ENPP6: variants seen among roughly 807,000 people sequenced by gnomAD.
ENPP6 encodes the protein ectonucleotide pyrophosphatase/phosphodiesterase 6.
ENPP6 carries 32 observed loss-of-function variants against 42.0 expected under a neutral mutation model. The observed-to-expected ratio is 0.76, with a 90% CI of 0.58 to 1.02. The LOEUF is 1.02. Among genes scored for constraint, ENPP6 ranks in the 50% least tolerant of loss-of-function variants. The pLI is 0.00. For missense variants in ENPP6, 552 were observed against 566.8 expected, an observed-to-expected ratio of 0.97 and a Z score of 0.27; for synonymous variants, 213 against 216.0, an observed-to-expected ratio of 0.99 and a Z score of 0.12.
intron 1 of ENPP6, among the ~76,000 whole-genome samples, chr4:184,165,554 GGA>G (rs1737334776): frequency 6.6e-6 from 1 of 152,182 alleles, no homozygotes; most frequent in East Asian, 1.9e-4. Context: ...GTAACCACAT[GGA>G]GACGCACAGA....
chr4:184,136,215 A>G (rs1198261251), intron 2 of ENPP6, among the ~76,000 whole-genome samples: 1 of 151,272 alleles, frequency 6.6e-6, no homozygotes, highest in Non-Finnish European at 1.5e-5. Context: ...TAAATTTTAT[A>G]TAAATATAAA....
intron 1 of ENPP6, among the ~76,000 whole-genome samples, chr4:184,154,219 G>A (rs762915775): frequency 2.0e-4 from 30 of 152,180 alleles, no homozygotes; most frequent in Non-Finnish European, 3.8e-4. Flanking sequence ...TAAAACCTAT[G>A]ACGTTTGGAA....
rs143548128 is a variant in ENPP6 at position 184,090,855 on chromosome 4, C to A, written c.*322G>T. The A allele has an allele frequency of 3.1e-3, 1,356 of 433,020 alleles. 25 individuals carry two copies. Among genetic ancestry groups the A allele is most frequent in the African/African-American group, 0.025 (1,233 of 49,064 alleles). 26.8% of individuals were successfully genotyped at this position (433,020 alleles called of 1,614,324 possible). A position where few individuals can be genotyped will look rare whatever the true frequency, so the allele number is the denominator to read the frequency against. ...CCAGAGCCACGTCTGTCTGCAATAA[C>A]CACTCCAAGTTTGGTTGCTGCAGGA... On this transcript the variant is annotated 3_prime_UTR_variant, in exon 8 of 8. Transcript: ENST00000296741.
At chr4:184,142,816 G>T (rs995392143) in intron 2 of ENPP6, among the ~76,000 whole-genome samples, 1 of 152,206 alleles carries the variant, frequency 6.6e-6, no homozygotes, top group Admixed American at 6.5e-5. Context: ...GCCAAAGGCC[G>T]CGCTTTCATC....
intron 7 of ENPP6, among the ~76,000 whole-genome samples, chr4:184,093,237 T>C (rs7696176): frequency 0.5 from 76,637 of 152,018 alleles, 19,879 homozygotes; most frequent in East Asian, 0.63. Flanking sequence ...AAGGACAAAT[T>C]GTGGTTTGAA....
chr4:184,115,334 A>C (rs965805905), intron 5 of ENPP6, among the ~76,000 whole-genome samples: 16 of 152,206 alleles, frequency 1.1e-4, no homozygotes, highest in African/African-American at 3.4e-4. Context: ...CACAAAGCCC[A>C]TATTGGGAAG....
At chr4:184,092,892 AAAC>A (rs1421448122) in intron 7 of ENPP6, among the ~76,000 whole-genome samples, 1 of 152,246 alleles carries the variant, frequency 6.6e-6, no homozygotes, top group Non-Finnish European at 1.5e-5. Context: ...AAAAGCAAAC[AAAC>A]AACAACACAC....
chr4:184,173,999 G>A lies in ENPP6; in HGVS notation c.242-20266C>T, dbSNP rs550696887. 2.6e-5 allele frequency among the ~76,000 whole-genome samples: 4 copies of A among 152,308 alleles called. 1 individual carries two copies. Among genetic ancestry groups the A allele is most frequent in the African/African-American group, 9.6e-5 (4 of 41,566 alleles). ...AATTCCCACAACTCTGAAGGAAAGA[G>A]ATGAGAGGGTCTCAGACTCTAGAGA... On this transcript the variant is annotated intron_variant, in intron 1 of 7. Transcript: ENST00000296741.
intron 3 of ENPP6, among the ~76,000 whole-genome samples, chr4:184,123,361 G>A (rs1035034861): frequency 1.3e-5 from 2 of 152,062 alleles, no homozygotes; most frequent in African/African-American, 4.8e-5. Flanking sequence ...TTTTCTTGGG[G>A]GGATGAAGGT....
intron 6 of ENPP6, among the ~76,000 whole-genome samples, chr4:184,108,363 T>A (rs1384394944): frequency 6.6e-6 from 1 of 152,162 alleles, no homozygotes. Flanking sequence ...GGTGTATAGG[T>A]TTCAGGGCAA....
chr4:184,216,306 C>T (rs922636638), intron 1 of ENPP6, among the ~76,000 whole-genome samples: 1 of 152,290 alleles, frequency 6.6e-6, no homozygotes, highest in African/African-American at 2.4e-5. Context: ...TTTTTGTCTG[C>T]TGGGGGAAAT....
At chr4:184,128,244 G>A (rs549462337) in intron 2 of ENPP6, among the ~76,000 whole-genome samples, 8 of 152,220 alleles carry the variant, frequency 5.3e-5, no homozygotes, top group East Asian at 1.9e-4. Context: ...GCAGTGGCAC[G>A]ATCTCGGGTC....
intron 2 of ENPP6, among the ~76,000 whole-genome samples, chr4:184,149,947 T>A (rs1244680044): frequency 6.6e-6 from 1 of 151,972 alleles, no homozygotes; most frequent in Non-Finnish European, 1.5e-5. Context: ...AATGTTGGAG[T>A]CTTTTCCTCA....
intron 2 of ENPP6, among the ~76,000 whole-genome samples, chr4:184,142,569 G>T (rs960622527): frequency 1.3e-5 from 2 of 152,216 alleles, no homozygotes; most frequent in Non-Finnish European, 2.9e-5. Context: ...TAGCCTGAGC[G>T]CAGGGTGGCC....
chr4:184,109,026 C>T (rs1426237567), intron 6 of ENPP6, among the ~76,000 whole-genome samples: 2 of 152,214 alleles, frequency 1.3e-5, no homozygotes, highest in Admixed American at 1.3e-4. Context: ...TCCTGGCCAA[C>T]ATGGTGAAAC....
intron 4 of ENPP6, 29 bp downstream of exon 4, chr4:184,117,730 C>G: frequency 6.2e-7 from 1 of 1,609,690 alleles, no homozygotes; most frequent in Non-Finnish European, 8.5e-7. Context: ...AGAGAGAAGG[C>G]CAGGCCACGT....
chr4:184,203,531 G>T (rs1334374704), intron 1 of ENPP6, among the ~76,000 whole-genome samples: 1 of 152,154 alleles, frequency 6.6e-6, no homozygotes, highest in Non-Finnish European at 1.5e-5. Flanking sequence ...TATGGCTGGT[G>T]TCCTTACAAG....
At chr4:184,181,860 C>G (rs1732561701) in intron 1 of ENPP6, among the ~76,000 whole-genome samples, 1 of 152,076 alleles carries the variant, frequency 6.6e-6, no homozygotes, top group African/African-American at 2.4e-5. Context: ...AAAATTAACT[C>G]AAGATGGATT....
chr4:184,214,138 C>T (rs1262893016), intron 1 of ENPP6, among the ~76,000 whole-genome samples: 5 of 144,000 alleles, frequency 3.5e-5, no homozygotes, highest in Non-Finnish European at 7.5e-5. Flanking sequence ...ATACCTAATG[C>T]TAGATGACGA....
Sources: gnomAD v4.1 joint callset for allele counts (sites outside exome capture counted in the v4.1 genomes callset) on GRCh38, gnomAD v4.1.1 for gene constraint, MANE v1.5 for transcripts, NCBI Gene and HGNC (gene_info 2026-07-23, HGNC 2026-07-21) for gene names.